The following EEIG1 variants were observed in gnomAD, a reference collection of about 807,000 sequenced individuals.
The protein encoded by EEIG1 is early estrogen-induced gene 1 protein.
At chr9:127,955,291 T>C in the EEIG1 span, among the ~76,000 whole-genome samples, 7 of 152,134 alleles carry the variant, frequency 4.6e-5, no homozygotes, top group Non-Finnish European at 1.0e-4. Context: ...GTGGGCTCTA[T>C]GCCACCCCTT....
At chr9:127,976,862 A>C in the EEIG1 span, among the ~76,000 whole-genome samples, 1 of 152,156 alleles carries the variant, frequency 6.6e-6, no homozygotes, top group South Asian at 2.1e-4. The surrounding 1 kb of genome is among the most constrained non-coding windows in gnomAD (Gnocchi z 4.1). Flanking sequence ...GGGTGGGGGA[A>C]ATATGCTATT....
At chr9:127,944,850 CGT>C in the EEIG1 span, 2 of 1,612,660 alleles carry the variant, frequency 1.2e-6, no homozygotes, top group Non-Finnish European at 1.7e-6. Flanking sequence ...CATCGATCCG[CGT>C]GTCGTCCACC....
the EEIG1 span, among the ~76,000 whole-genome samples, chr9:127,966,642 G>C: frequency 6.6e-6 from 1 of 152,214 alleles, no homozygotes. Context: ...CAGCCCAAGA[G>C]GCGAGCAGGC....
At chr9:127,964,372 A>C in the EEIG1 span, among the ~76,000 whole-genome samples, 56 of 152,194 alleles carry the variant, frequency 3.7e-4, no homozygotes, top group Admixed American at 1.2e-3. Flanking sequence ...AGGTGCAACA[A>C]GAAGATCCCA....
chr9:127,979,562 C>A, the EEIG1 span, among the ~76,000 whole-genome samples: 74 of 152,238 alleles, frequency 4.9e-4, 1 homozygote, highest in Non-Finnish European at 4.4e-5. Context: ...GGAGTGCCTG[C>A]GATCGGGCCT....
chr9:127,943,379 G>C, the EEIG1 span: 12 of 742,776 alleles, frequency 1.6e-5, no homozygotes, highest in Non-Finnish European at 2.4e-5. Flanking sequence ...CCGTGCCCCA[G>C]CGATGGTAAG....
At chr9:127,943,308 C>T in the EEIG1 span, 1 of 1,474,246 alleles carries the variant, frequency 6.8e-7, no homozygotes, top group Non-Finnish European at 9.5e-7. Flanking sequence ...TGGACCAGGC[C>T]TCTGGAGGTG....
At chr9:127,961,685 C>T in the EEIG1 span, among the ~76,000 whole-genome samples, 1 of 152,170 alleles carries the variant, frequency 6.6e-6, no homozygotes, top group African/African-American at 2.4e-5. Context: ...AGACAGTGCC[C>T]CAACAATGGG....
the EEIG1 span, among the ~76,000 whole-genome samples, chr9:127,967,785 C>G: frequency 6.6e-6 from 1 of 152,022 alleles, no homozygotes. Flanking sequence ...CCCTGTCTCA[C>G]AGAGTTGCTA....
the EEIG1 span, among the ~76,000 whole-genome samples, chr9:127,957,963 A>C: frequency 6.6e-6 from 1 of 152,230 alleles, no homozygotes; most frequent in Non-Finnish European, 1.5e-5. Context: ...CAGTGAGCCA[A>C]GACGGCACTA....
the EEIG1 span, among the ~76,000 whole-genome samples, chr9:127,963,897 A>G: frequency 6.6e-6 from 1 of 152,268 alleles, no homozygotes; most frequent in East Asian, 1.9e-4. Flanking sequence ...CAGGAAGGAG[A>G]AGGAGCTACA....
chr9:127,978,530 A>G, the EEIG1 span, among the ~76,000 whole-genome samples: 5,036 of 146,024 alleles, frequency 0.034, 309 homozygotes, highest in East Asian at 0.27. Flanking sequence ...TTTCATTTTT[A>G]TTTTTTAAAA....
chr9:127,967,521 C>A, the EEIG1 span, among the ~76,000 whole-genome samples: 1 of 152,238 alleles, frequency 6.6e-6, no homozygotes, highest in Non-Finnish European at 1.5e-5. Flanking sequence ...ACCCAAGACC[C>A]CAGCAGTTCA....
the EEIG1 span, among the ~76,000 whole-genome samples, chr9:127,946,532 G>A: frequency 6.6e-6 from 1 of 152,222 alleles, no homozygotes; most frequent in Admixed American, 6.5e-5. Flanking sequence ...GCATATGGGG[G>A]GAGGCCAGCT....
the EEIG1 span, chr9:127,948,082 A>G: frequency 6.2e-7 from 1 of 1,611,744 alleles, no homozygotes; most frequent in Non-Finnish European, 8.5e-7. Flanking sequence ...TGAGCTGAGA[A>G]TAGTGGGCCG....
the EEIG1 span, chr9:127,944,635 G>A: frequency 1.4e-5 from 22 of 1,611,460 alleles, no homozygotes; most frequent in East Asian, 2.2e-5. Flanking sequence ...GCTGGATGCC[G>A]CTCAGCGTGG....
chr9:127,947,943 G>A, the EEIG1 span: 8 of 1,072,086 alleles, frequency 7.5e-6, no homozygotes, highest in African/African-American at 3.2e-5. Flanking sequence ...AGCCCAGCAG[G>A]AGCATGCAAA....
At chr9:127,979,026 GA>G in the EEIG1 span, among the ~76,000 whole-genome samples, 1 of 149,664 alleles carries the variant, frequency 6.7e-6, no homozygotes, top group Non-Finnish European at 1.5e-5. Context: ...CCCCAAAAAA[GA>G]AAAAAAAATA....
the EEIG1 span, among the ~76,000 whole-genome samples, chr9:127,980,816 G>A: frequency 1.3e-5 from 2 of 149,636 alleles, no homozygotes; most frequent in African/African-American, 4.8e-5. Context: ...CAGCGGAGGC[G>A]CCGCCTCCTC....
Sources: allele counts gnomAD v4.1 joint callset (sites outside exome capture counted in the v4.1 genomes callset), GRCh38; gene constraint gnomAD v4.1.1; non-coding constraint Gnocchi (gnomAD v3.1); transcripts MANE v1.5; gene names NCBI Gene and HGNC (gene_info 2026-07-23, HGNC 2026-07-21).